The following KLHL15 variants were observed in gnomAD, a reference collection of about 807,000 sequenced individuals.
The protein encoded by KLHL15 is kelch-like protein 15.
Under a neutral mutation model 29.3 loss-of-function variants are expected in KLHL15, and 1 was observed. The observed-to-expected ratio is 0.03, with a 90% CI of 0.01 to 0.16. The LOEUF (loss-of-function observed/expected upper bound fraction) is 0.16, where lower values mean the gene tolerates loss of function less well. KLHL15 is among the 10% of genes least tolerant of loss of function. The probability of loss-of-function intolerance (pLI) is 1.00; values close to 1 mark genes in which losing one functional copy is unlikely to be tolerated. For synonymous variants in KLHL15, 212 were observed against 184.5 expected, an observed-to-expected ratio of 1.15 and a Z score of -1.21; for missense variants, 215 against 478.5, an observed-to-expected ratio of 0.45 and a Z score of 5.14.
intron 2 of KLHL15, among the ~76,000 whole-genome samples, chrX:24,017,780 A>C (rs1240816964): frequency 1.1e-4 from 4 of 37,184 alleles, no homozygotes; most frequent in African/African-American, 7.3e-4. Flanking sequence ...ACCATGTCCC[A>C]AAAAAAAAAA....
chrX:24,012,115 A>G (rs1182817201), intron 2 of KLHL15, among the ~76,000 whole-genome samples: 3 of 112,525 alleles, frequency 2.7e-5, no homozygotes, highest in Admixed American at 9.4e-5. Flanking sequence ...AGATCGTGCC[A>G]CTGCACTCCA....
At chrX:24,022,363 C>G (rs1300751837) in intron 2 of KLHL15, among the ~76,000 whole-genome samples, 45 of 85,848 alleles carry the variant, frequency 5.2e-4, no homozygotes, top group Middle Eastern at 0.013. Flanking sequence ...AAAAAAAAGG[C>G]TGGGCACGGT....
chrX:24,016,258 T>C (rs773517862), intron 2 of KLHL15, among the ~76,000 whole-genome samples: 1 of 91,775 alleles, frequency 1.1e-5, no homozygotes, highest in Non-Finnish European at 2.0e-5. Context: ...GAGAATGGCG[T>C]GAACCTGGAA....
chrX:24,000,882 A>G (rs1405841927), intron 3 of KLHL15, among the ~76,000 whole-genome samples: 2 of 112,796 alleles, frequency 1.8e-5, no homozygotes, highest in Non-Finnish European at 3.7e-5. Context: ...GAACAGCATT[A>G]CCACCTAAGC....
chrX:24,009,851 G>A (rs1421724183), intron 2 of KLHL15, among the ~76,000 whole-genome samples: 2 of 106,768 alleles, frequency 1.9e-5, no homozygotes, highest in African/African-American at 6.9e-5. Context: ...TTAGCTGGGT[G>A]TGGTGGCTGG....
chrX:24,026,748 G>T (rs1435179143), intron 1 of KLHL15, among the ~76,000 whole-genome samples: 1 of 111,748 alleles, frequency 8.9e-6, no homozygotes, highest in African/African-American at 3.3e-5. Context: ...TCGTGGGAGA[G>T]ATAACACAAT....
rs1222935511 is a variant in KLHL15 at position 23,988,905 on chromosome X, A to C, written c.831T>G (p.Ser277=). 1 of 1,210,279 alleles carries C rather than the reference A, an allele frequency of 8.3e-7. No homozygotes were observed. Among genetic ancestry groups the C allele is most frequent in the African/African-American group, 1.7e-5 (1 of 57,265 alleles). Residue 277 remains serine (S), a synonymous_variant, in exon 4 of 4, where the codon TCT becomes TCG. Coordinates refer to ENST00000328046, the MANE Select transcript of KLHL15 (RefSeq NM_030624.3). ...GAAATACTGTAGTTTGCGGTTTTGC[A>C]GAACGGATGCGGCTTGACTTCATAT... ...LLDMKSSRIR[S]AKPQTTVFRG...
intron 3 of KLHL15, among the ~76,000 whole-genome samples, chrX:23,990,604 G>A (rs1479675232): frequency 9.0e-6 from 1 of 111,574 alleles, no homozygotes; most frequent in Non-Finnish European, 1.9e-5. Flanking sequence ...GATGGAAAGA[G>A]TGTTGATATC....
chrX:24,003,349 T>A (rs1372206715), intron 3 of KLHL15, among the ~76,000 whole-genome samples: 1 of 106,413 alleles, frequency 9.4e-6, no homozygotes, highest in East Asian at 2.9e-4. Flanking sequence ...ATCAAGACCA[T>A]CCTGGCTAAC....
intron 3 of KLHL15, among the ~76,000 whole-genome samples, chrX:23,994,063 GA>G (rs1019848887): frequency 3.2e-5 from 3 of 92,571 alleles, no homozygotes; most frequent in East Asian, 6.5e-4. Flanking sequence ...AAAAAAAAAA[GA>G]AAAAAAGAAA....
In KLHL15 at chrX:23,986,288, CAA is replaced by C. The variant is rs1928984026; in HGVS notation, c.*1631_*1632del. 9.0e-6 allele frequency: 1 copy of C among 110,524 alleles called. No homozygotes were observed. Among genetic ancestry groups the C allele is most frequent in the African/African-American group, 3.3e-5 (1 of 30,280 alleles). 9.1% of individuals were successfully genotyped at this position (110,524 alleles called of 1,213,427 possible). ...TTCAATGGTGGCAGCAGCAAAAAAA[CAA>C]ACAAACAAACAAAAAAACAAAAAAC... On this transcript the variant is annotated 3_prime_UTR_variant, in exon 4 of 4. Coordinates refer to ENST00000328046, the MANE Select transcript of KLHL15 (RefSeq NM_030624.3).
chrX:24,009,681 AT>A (rs1169939860), intron 2 of KLHL15, among the ~76,000 whole-genome samples: 98 of 49,208 alleles, frequency 2.0e-3, no homozygotes, highest in Middle Eastern at 0.017. Flanking sequence ...GCGAGGTTCC[AT>A]TTTCAAAAAA....
At chrX:24,018,743 C>T (rs1569270440) in intron 2 of KLHL15, among the ~76,000 whole-genome samples, 1 of 111,343 alleles carries the variant, frequency 9.0e-6, no homozygotes, top group Non-Finnish European at 1.9e-5. Flanking sequence ...GGCTCACATC[C>T]GTGATCCTAG....
chrX:23,995,476 A>AT (rs34748452), intron 3 of KLHL15, among the ~76,000 whole-genome samples: 7,164 of 102,980 alleles, frequency 0.07, 235 homozygotes, highest in South Asian at 0.22. Context: ...GTTAGAGTAC[A>AT]TTTTTTTTTA....
At chrX:24,013,424 G>A (rs927436067) in intron 2 of KLHL15, among the ~76,000 whole-genome samples, 2 of 110,096 alleles carry the variant, frequency 1.8e-5, no homozygotes, top group African/African-American at 6.6e-5. Flanking sequence ...CACCAGACTC[G>A]GCTAATTTTT....
Position 23,985,943 on chromosome X carries a change from A to T in KLHL15, c.*1978T>A, listed in dbSNP as rs1928977347. On this transcript the variant is annotated 3_prime_UTR_variant, in exon 4 of 4. Transcript: ENST00000328046. ...TCAAAAATAAAATAATGTATTTTTT[A>T]AATGTAGAAAAAGACTTTTACCCAT... 1 of 93,839 alleles carries T rather than the reference A, an allele frequency of 1.1e-5. No individual in the cohort carries two copies. 7.7% of individuals were successfully genotyped at this position (93,839 alleles called of 1,213,427 possible).
intron 3 of KLHL15, among the ~76,000 whole-genome samples, chrX:23,990,834 T>C (rs1442665382): frequency 9.0e-6 from 1 of 110,615 alleles, no homozygotes; most frequent in Non-Finnish European, 1.9e-5. Flanking sequence ...GCCCATTCAC[T>C]AATTCCTTGC....
rs1159141267 is a variant in KLHL15 at position 23,998,866 on chromosome X, T to C, written c.705+7123A>G. On this transcript the variant is annotated intron_variant, in intron 3 of 3. Transcript: ENST00000328046. The stretch of plus-strand genomic sequence containing the variant: ...TCAATTTCTGCTTATCATTTGTTTT[T>C]TTCTTCCAATTTCTTAAGAGTTTCC... 8.1e-5 allele frequency among the ~76,000 whole-genome samples: 9 copies of C among 111,689 alleles called. No individual in the cohort carries two copies. The South Asian group carries it at 3.4e-3, about 42-fold the overall frequency.
chrX:23,997,608 G>A (rs1369574165), intron 3 of KLHL15, among the ~76,000 whole-genome samples: 1 of 105,734 alleles, frequency 9.5e-6, no homozygotes. Context: ...GTGTGCACCC[G>A]TAGTCCCAGC....
Sources: gnomAD v4.1 joint callset for allele counts (sites outside exome capture counted in the v4.1 genomes callset) on GRCh38, gnomAD v4.1.1 for gene constraint, MANE v1.5 for transcripts, NCBI Gene and HGNC (gene_info 2026-07-23, HGNC 2026-07-21) for gene names.